VWA8: variants seen among roughly 807,000 people sequenced by gnomAD.
VWA8 encodes von Willebrand factor A domain containing 8.
A neutral mutation model predicts 241.5 loss-of-function variants in VWA8; 221 were observed. The ratio of observed to expected loss-of-function variants is 0.91; its 90% CI spans 0.82 to 1.02. VWA8 has a LOEUF of 1.02. Among genes scored for constraint, VWA8 ranks in the 50% least tolerant of loss-of-function variants. The probability of loss-of-function intolerance (pLI) is 0.00; values close to 1 mark genes in which losing one functional copy is unlikely to be tolerated. For missense variants in VWA8, 2,322 were observed against 2,328.7 expected (o/e 1.00, Z 0.06); for synonymous variants, 852 against 827.1 (o/e 1.03, Z -0.52).
At chr13:41,725,631 G>C (rs1401246685) in intron 24 of VWA8, among the ~76,000 whole-genome samples, 1 of 152,242 alleles carries the variant, frequency 6.6e-6, no homozygotes, top group South Asian at 2.1e-4. Flanking sequence ...AGGGGTAGAT[G>C]ACAAAACAAG....
At chr13:41,929,657 G>T (rs767561498) in intron 2 of VWA8, among the ~76,000 whole-genome samples, 18 of 152,100 alleles carry the variant, frequency 1.2e-4, no homozygotes, top group Non-Finnish European at 2.1e-4. Context: ...GACCCAATGG[G>T]GAAAGGATAG....
chr13:41,742,087 G>T (rs2045573302), intron 21 of VWA8, among the ~76,000 whole-genome samples: 1 of 152,206 alleles, frequency 6.6e-6, no homozygotes, highest in South Asian at 2.1e-4. Flanking sequence ...TAGTCACATG[G>T]AAGGATGTAG....
At chr13:41,620,565 G>A (rs1431169198) in intron 37 of VWA8, among the ~76,000 whole-genome samples, 2 of 151,954 alleles carry the variant, frequency 1.3e-5, no homozygotes, top group Non-Finnish European at 2.9e-5. Flanking sequence ...TGTTTTTAGG[G>A]TGTTGATTTT....
intron 40 of VWA8, among the ~76,000 whole-genome samples, chr13:41,599,594 A>T (rs2044508843): frequency 6.6e-6 from 1 of 152,134 alleles, no homozygotes; most frequent in African/African-American, 2.4e-5. Flanking sequence ...GATTGGACAG[A>T]TGCTCCTTGG....
chr13:41,693,874 T>C (rs9594610), intron 29 of VWA8, among the ~76,000 whole-genome samples: 5,267 of 152,126 alleles, frequency 0.035, 302 homozygotes, highest in African/African-American at 0.12. Flanking sequence ...AAGTTATTTG[T>C]CAGACCTCAT....
At chr13:41,890,884 G>A (rs2138084591) in intron 5 of VWA8, among the ~76,000 whole-genome samples, 1 of 152,338 alleles carries the variant, frequency 6.6e-6, no homozygotes, top group Admixed American at 6.5e-5. Context: ...GATGGAAGCA[G>A]GGAGTGCAGT....
intron 37 of VWA8, among the ~76,000 whole-genome samples, chr13:41,641,810 AAAAC>A (rs1293960722): frequency 6.6e-6 from 1 of 152,058 alleles, no homozygotes; most frequent in Non-Finnish European, 1.5e-5. Context: ...TGGGAAAAAA[AAAAC>A]AGTATGTGGG....
At chr13:41,739,851 TTTTTTG>T (rs2045555004) in intron 21 of VWA8, among the ~76,000 whole-genome samples, 1 of 58,566 alleles carries the variant, frequency 1.7e-5, no homozygotes, top group African/African-American at 5.4e-5. Context: ...TTTTTTTGTT[TTTTTTG>T]TTTTTTTTTT....
At chr13:41,703,218 T>G in intron 27 of VWA8, 85 bp downstream of exon 27, 1 of 1,076,160 alleles carries the variant, frequency 9.3e-7, no homozygotes, top group Non-Finnish European at 1.4e-6. Flanking sequence ...AAATCATTTC[T>G]GAGATTGTTT....
intron 21 of VWA8, among the ~76,000 whole-genome samples, chr13:41,755,379 A>G (rs17062531): frequency 0.018 from 2,672 of 152,066 alleles, 70 homozygotes; most frequent in African/African-American, 0.061. Flanking sequence ...AATAACCAAT[A>G]TTGTTGGAGA....
chr13:41,855,033 G>A (rs1008162610), intron 12 of VWA8, among the ~76,000 whole-genome samples: 1 of 152,090 alleles, frequency 6.6e-6, no homozygotes, highest in African/African-American at 2.4e-5. Context: ...AAAGAGCACT[G>A]TGTGCTAAAC....
chr13:41,767,432 T>C (rs1210204804), intron 20 of VWA8, among the ~76,000 whole-genome samples: 2 of 152,206 alleles, frequency 1.3e-5, no homozygotes, highest in Admixed American at 1.3e-4. Flanking sequence ...GACAAGCTAA[T>C]CTCTAAATAC....
intron 23 of VWA8, among the ~76,000 whole-genome samples, chr13:41,728,269 T>C (rs1421820643): frequency 6.6e-6 from 1 of 151,906 alleles, no homozygotes; most frequent in Admixed American, 6.6e-5. Flanking sequence ...ATAACAAGGG[T>C]ATGTGGCTAC....
At chr13:41,846,133 T>C (rs1872281069) in intron 12 of VWA8, among the ~76,000 whole-genome samples, 1 of 152,100 alleles carries the variant, frequency 6.6e-6, no homozygotes, top group East Asian at 1.9e-4. Context: ...CAGTGTTGAA[T>C]TCCTGAGCTC....
chr13:41,674,446 A>G (rs12872267), intron 36 of VWA8, among the ~76,000 whole-genome samples: 17 of 152,122 alleles, frequency 1.1e-4, no homozygotes, highest in African/African-American at 3.9e-4. Flanking sequence ...TGATTGCAAT[A>G]TAGGTCAAAA....
intron 37 of VWA8, among the ~76,000 whole-genome samples, chr13:41,636,531 T>A (rs923718571): frequency 6.6e-6 from 1 of 152,160 alleles, no homozygotes; most frequent in African/African-American, 2.4e-5. Context: ...GGACTTCATG[T>A]CTAAAACACC....
Position 41,719,753 on chromosome 13 carries a change from A to C in VWA8, c.2965-11T>G, listed in dbSNP as rs750442525. 15 of 1,604,178 alleles carry C rather than the reference A, an allele frequency of 9.4e-6. No homozygotes were observed. Among genetic ancestry groups the C allele is most frequent in the Non-Finnish European group, 1.2e-5 (14 of 1,175,620 alleles). Reference sequence around the variant, plus strand: ...TTCAGTCGGAAATTTCTGTATTAAAAAAAAATTCCCTTATTATGCATGTGA... The same window carrying C: ...TTCAGTCGGAAATTTCTGTATTAAACAAAAATTCCCTTATTATGCATGTGA... On this transcript the variant is annotated splice_polypyrimidine_tract_variant and intron_variant, in intron 25 of 44. Transcript: ENST00000379310.
chr13:41,744,050 C>T (rs1044988054), intron 21 of VWA8, among the ~76,000 whole-genome samples: 53 of 152,330 alleles, frequency 3.5e-4, no homozygotes, highest in Middle Eastern at 3.4e-3. Flanking sequence ...TCCCTCAGGG[C>T]AGCCCTTAAT....
At chr13:41,797,194 G>A (rs968129713) in intron 17 of VWA8, among the ~76,000 whole-genome samples, 23 of 110,088 alleles carry the variant, frequency 2.1e-4, no homozygotes, top group Admixed American at 2.0e-3. Flanking sequence ...CCACACCCAA[G>A]TATTTTTTTT....
Sources: allele counts gnomAD v4.1 joint callset (sites outside exome capture counted in the v4.1 genomes callset), GRCh38; gene constraint gnomAD v4.1.1; transcripts MANE v1.5; gene names NCBI Gene and HGNC (gene_info 2026-07-23, HGNC 2026-07-21).